The following SREBF2 variants were observed in gnomAD, a reference collection of about 807,000 sequenced individuals.
SREBF2 encodes sterol regulatory element binding transcription factor 2, also known as sterol regulatory element-binding protein 2.
A neutral mutation model predicts 113.1 loss-of-function variants in SREBF2; 55 were observed. The ratio of observed to expected loss-of-function variants is 0.49; its 90% confidence interval spans 0.39 to 0.61. SREBF2 has a LOEUF of 0.61. SREBF2 is among the 20% of genes least tolerant of loss of function. The pLI is 0.00. For synonymous variants in SREBF2, 593 were observed against 605.7 expected (o/e 0.98, Z 0.31); for missense variants, 1,349 against 1,487.4 (o/e 0.91, Z 1.53).
intron 5 of SREBF2, among the ~76,000 whole-genome samples, chr22:41,874,677 G>A (rs2077176821): frequency 6.6e-6 from 1 of 152,226 alleles, no homozygotes; most frequent in Admixed American, 6.5e-5. Flanking sequence ...GGAGGCTGAG[G>A]CGGGTGGATC....
In SREBF2 at chr22:41,903,151, G is replaced by C; in HGVS notation, c.3089G>C (p.Arg1030Pro). 1.3e-6 allele frequency: 2 copies of C among 1,551,108 alleles called. No homozygotes were observed. The highest frequency in any genetic ancestry group is 1.7e-6 in the Non-Finnish European group (2 of 1,147,766). Residue 1030 changes from arginine (R) to proline (P), a missense_variant, in exon 17 of 19, where the codon CGC becomes CCC. Arg to Pro is a moderately radical substitution (Grantham distance 103, BLOSUM62 -2). Coordinates refer to ENST00000361204, the MANE Select transcript of SREBF2 (RefSeq NM_004599.4). Reference protein sequence around the residue: ...RLAHSFRPAYRKVFLHEATVR... With the variant: ...RLAHSFRPAYPKVFLHEATVR... ...GCACACAGCTTCCGCCCAGCATACC[G>C]CAAGGTGAGGCCCAGCTGGCTGGTG... is the stretch of plus-strand genomic sequence containing the variant.
chr22:41,868,648 C>G lies in SREBF2; in HGVS notation c.576C>G (p.Ser192=), dbSNP rs149336069. ...QPQVQSLVTS[S]QVQPVTIQQQ... ...AAGTCCAAAGCCTGGTGACATCCTC[C>G]CAGGTACAGCCGGTCACCATTCAGC... Residue 192 remains serine, a synonymous_variant, in exon 3 of 19, where the codon TCC becomes TCG. Transcript: ENST00000361204. The G allele has an allele frequency of 1.5e-5, 24 of 1,614,224 alleles. No individual in the cohort carries two copies. The Admixed American group carries it at 2.2e-4, about 15-fold the overall frequency.
intron 13 of SREBF2, 114 bp from the exon 14 acceptor site, chr22:41,896,938 A>G: frequency 1.4e-6 from 1 of 730,540 alleles, no homozygotes; most frequent in Non-Finnish European, 2.4e-6. Flanking sequence ...GGATGACAGG[A>G]AAGGGACAGA....
At chr22:41,847,920 A>ATC (rs1556030999) in intron 1 of SREBF2, among the ~76,000 whole-genome samples, 1 of 137,458 alleles carries the variant, frequency 7.3e-6, no homozygotes, top group Non-Finnish European at 1.6e-5. Context: ...TATTATTATT[A>ATC]TTTTTTTTTT....
Position 41,833,362 on chromosome 22 carries a change from A to C in SREBF2, c.88+4A>C, listed in dbSNP as rs552877394. 43 of 360,934 alleles carry C rather than the reference A, an allele frequency of 1.2e-4. 1 individual carries two copies. The highest frequency in any genetic ancestry group is 7.7e-4 in the South Asian group (43 of 55,780). The allele number at this position is 360,934 out of a possible 1,614,324, so 22.4% of individuals were successfully genotyped here. On this transcript the variant is annotated splice_donor_region_variant and intron_variant, in intron 1 of 18. Transcript: ENST00000361204. This position sits in a 1 kb window ranked among gnomAD's most constrained non-coding sequence, Gnocchi z 4.1. ...CTGACCCTGGGAGACATCGACGGTG[A>C]GTGGTGGGTGGGTGGGAGTGCGGGG...
intron 5 of SREBF2, 130 bp downstream of exon 5, chr22:41,874,149 T>A: frequency 3.4e-6 from 3 of 876,156 alleles, no homozygotes; most frequent in Non-Finnish European, 3.7e-6. Context: ...GCTTTTTTAT[T>A]AAAGCATCTT....
At chr22:41,864,261 T>TATATATACACACACACACAC (rs1204150898) in intron 1 of SREBF2, among the ~76,000 whole-genome samples, 1 of 51,006 alleles carries the variant, frequency 2.0e-5, no homozygotes, top group Non-Finnish European at 3.6e-5. Flanking sequence ...TATATATATA[T>TATATATACACACACACACAC]ACACACACAC....
At chr22:41,901,173 CG>C (rs1262075665) in intron 16 of SREBF2, among the ~76,000 whole-genome samples, 2 of 152,140 alleles carry the variant, frequency 1.3e-5, no homozygotes, top group Non-Finnish European at 2.9e-5. Context: ...ACCTGGTCTA[CG>C]GGGAACATGT....
Position 41,833,392 on chromosome 22 carries a change from C to A in SREBF2, c.88+34C>A. On this transcript the variant is annotated intron_variant, in intron 1 of 18. Coordinates refer to ENST00000361204, the MANE Select transcript of SREBF2 (RefSeq NM_004599.4). The surrounding 1 kb of genome is among the most constrained non-coding windows in gnomAD (Gnocchi z 4.1). ...TGGGTGGGTGGGAGTGCGGGGGCCG[C>A]GCGGGGAGGAAGGGGTTACGGCGGC... is the stretch of plus-strand genomic sequence containing the variant. The A allele has an allele frequency of 7.1e-7, 1 of 1,409,696 alleles. No homozygotes were observed. The highest frequency in any genetic ancestry group is 9.7e-7 in the Non-Finnish European group (1 of 1,032,556). The allele number at this position is 1,409,696 out of a possible 1,614,324, so 87.3% of individuals were successfully genotyped here.
chr22:41,852,728 A>ATTTTTTTTTTTTT (rs544824099), intron 1 of SREBF2, among the ~76,000 whole-genome samples: 3 of 40,400 alleles, frequency 7.4e-5, no homozygotes, highest in Admixed American at 4.1e-4. Flanking sequence ...TCTCAGAATG[A>ATTTTTTTTTTTTT]TTTTTTTTTT....
intron 1 of SREBF2, among the ~76,000 whole-genome samples, chr22:41,836,162 A>G (rs1424602004): frequency 6.6e-6 from 1 of 152,232 alleles, no homozygotes; most frequent in African/African-American, 2.4e-5. Flanking sequence ...ATACCGCACA[A>G]GGAAGAGGTG....
intron 1 of SREBF2, among the ~76,000 whole-genome samples, chr22:41,854,034 C>CAA (rs1211599087): frequency 1.4e-5 from 1 of 70,692 alleles, no homozygotes. Context: ...GACTCCATCT[C>CAA]AAAAAAAAAA....
chr22:41,872,896 AAAAAAAACAAAAAC>A (rs1322022531), intron 4 of SREBF2, among the ~76,000 whole-genome samples: 1 of 151,416 alleles, frequency 6.6e-6, no homozygotes, highest in Non-Finnish European at 1.5e-5. Context: ...TTGTCTCAAA[AAAAAAAACAAAAAC>A]AAAAAAACAG....
At chr22:41,900,860 G>A (rs372980521) in intron 16 of SREBF2, 2 of 511,482 alleles carry the variant, frequency 3.9e-6, no homozygotes, top group Non-Finnish European at 7.8e-6. Flanking sequence ...CTTGGAGTGG[G>A]TTCCTGCCCC....
rs189873851 is a variant in SREBF2, at chr22:41,882,408, A to G, written c.2038+1416A>G. 7.9e-5 allele frequency among the ~76,000 whole-genome samples: 12 copies of G among 152,350 alleles called. No homozygotes were observed. The East Asian group carries it at 2.3e-3, about 29-fold the overall frequency. On this transcript the variant is annotated intron_variant, in intron 10 of 18. Transcript: ENST00000361204. ...GAGGTGAGCTGGACATGCAGGATCTACAGCCCAAAGAAGACTACAGGTGAG... is the reference window on the plus strand; with the variant it reads ...GAGGTGAGCTGGACATGCAGGATCTGCAGCCCAAAGAAGACTACAGGTGAG...
At position 41,877,378 on chromosome 22, in the gene SREBF2, C is replaced by A; in HGVS notation, c.1536C>A (p.His512Gln). ...QWGGAHDSDQ[H>Q]PHSGSGRSVL... is the part of the protein sequence containing the mutation. Reference sequence around the variant, plus strand: ...GAGGGGCCCACGACTCTGACCAGCACCCACACTCAGGCTCTGGCCGCAGTG... The same window carrying A: ...GAGGGGCCCACGACTCTGACCAGCAACCACACTCAGGCTCTGGCCGCAGTG... Residue 512 changes from histidine (H) to glutamine (Q), a missense_variant, in exon 8 of 19, where the codon CAC becomes CAA. His to Gln is a conservative substitution (Grantham distance 24). Coordinates refer to ENST00000361204, the MANE Select transcript of SREBF2 (RefSeq NM_004599.4). 6.2e-7 allele frequency: 1 copy of A among 1,614,150 alleles called. No individual in the cohort carries two copies. The highest frequency in any genetic ancestry group is 1.1e-5 in the South Asian group (1 of 91,080).
intron 9 of SREBF2, 81 bp downstream of exon 9, chr22:41,878,204 G>A: frequency 6.4e-7 from 1 of 1,573,048 alleles, no homozygotes; most frequent in Non-Finnish European, 8.6e-7. Flanking sequence ...AAAGTCCTAT[G>A]ATAGATGCTT....
In SREBF2 at chr22:41,907,149, T is replaced by C. The variant is rs1165867378; in HGVS notation, c.*1489T>C. The stretch of plus-strand genomic sequence containing the variant: ...TTTATGGACCCTGCCCGCCTGCGTG[T>C]TGTGTGTATGTCCTGTGCCTTTTCT... On this transcript the variant is annotated 3_prime_UTR_variant, in exon 19 of 19. Transcript: ENST00000361204. 6.6e-6 allele frequency: 1 copy of C among 152,308 alleles called. No individual in the cohort carries two copies. Among genetic ancestry groups the C allele is most frequent in the South Asian group, 2.1e-4 (1 of 4,834 alleles). 9.4% of individuals were successfully genotyped at this position (152,308 alleles called of 1,614,324 possible).
intron 9 of SREBF2, among the ~76,000 whole-genome samples, chr22:41,879,076 G>A (rs536046192): frequency 6.6e-6 from 1 of 152,118 alleles, no homozygotes; most frequent in Non-Finnish European, 1.5e-5. Flanking sequence ...TGCCTGGCTG[G>A]TCCTGAACTC....
Sources: allele counts gnomAD v4.1 joint callset (sites outside exome capture counted in the v4.1 genomes callset), GRCh38; gene constraint gnomAD v4.1.1; non-coding constraint Gnocchi (gnomAD v3.1); transcripts MANE v1.5; gene names NCBI Gene and HGNC (gene_info 2026-07-23, HGNC 2026-07-21).